The following RNF168 variants were observed in gnomAD, a reference collection of about 807,000 sequenced individuals.
RNF168 encodes E3 ubiquitin-protein ligase RNF168.
Under a neutral mutation model 34.9 loss-of-function variants are expected in RNF168, and 34 were observed. The observed-to-expected ratio is 0.97, with a 90% CI of 0.74 to 1.30. The LOEUF (loss-of-function observed/expected upper bound fraction) is 1.30, where lower values mean the gene tolerates loss of function less well. RNF168 is among the 50% of genes most tolerant of loss of function. RNF168 has a pLI of 0.00. For synonymous variants in RNF168, 264 were observed against 254.7 expected, an observed-to-expected ratio of 1.04 and a Z score of -0.35; for missense variants, 725 against 682.5, an observed-to-expected ratio of 1.06 and a Z score of -0.69.
At position 196,502,938 on chromosome 3, in the gene RNF168, ATCG is replaced by A; in HGVS notation, c.233_235del (p.Thr78del). On this transcript the variant is annotated inframe_deletion, in exon 1 of 6. Transcript: ENST00000318037. ...CTCCCTGGGATAGTGTTTTTGAATT[ATCG>A]TCCACAGTTCCACGTTGACGAGAGA... The A allele has an allele frequency of 6.2e-7, 1 of 1,614,018 alleles. No individual in the cohort carries two copies. The highest frequency in any genetic ancestry group is 8.5e-7 in the Non-Finnish European group (1 of 1,179,912).
At chr3:196,476,869 T>A (rs1458790266) in intron 4 of RNF168, among the ~76,000 whole-genome samples, 1 of 152,034 alleles carries the variant, frequency 6.6e-6, no homozygotes, top group Non-Finnish European at 1.5e-5. Flanking sequence ...TGCCTCAGCC[T>A]CCTGAGTAGC....
rs917507488 is a variant in RNF168, at chr3:196,503,198, A to G, written c.-25T>C. ...TTTCAATATGTTAGTAAAGCCGACTAAACAACGACACCTGCACGAAAAAGA... is the reference window on the plus strand; with the variant it reads ...TTTCAATATGTTAGTAAAGCCGACTGAACAACGACACCTGCACGAAAAAGA... On this transcript the variant is annotated 5_prime_UTR_variant, in exon 1 of 6. Coordinates refer to ENST00000318037, the MANE Select transcript of RNF168 (RefSeq NM_152617.4). 1 of 1,605,074 alleles carries G rather than the reference A, an allele frequency of 6.2e-7. No individual in the cohort carries two copies. The highest frequency in any genetic ancestry group is 8.5e-7 in the Non-Finnish European group (1 of 1,171,854).
intron 1 of RNF168, among the ~76,000 whole-genome samples, chr3:196,496,120 T>A (rs1577522078): frequency 1.3e-5 from 2 of 152,198 alleles, no homozygotes; most frequent in Admixed American, 6.5e-5. Flanking sequence ...GAAAATTTTT[T>A]AAAATTTACT....
intron 2 of RNF168, among the ~76,000 whole-genome samples, 200 bp downstream of exon 2, chr3:196,488,407 G>T (rs1043176226): frequency 6.6e-6 from 1 of 151,832 alleles, no homozygotes; most frequent in Admixed American, 6.6e-5. Flanking sequence ...GCATGAACCC[G>T]GGAGGTGGAG....
rs548931463 is a variant in RNF168, at chr3:196,502,288, T to C, written c.301+585A>G. Among the ~76,000 whole-genome samples, 44 of 151,894 alleles carry C rather than the reference T, an allele frequency of 2.9e-4. No homozygotes were observed. The South Asian group carries it at 8.3e-3, about 29-fold the overall frequency. On this transcript the variant is annotated intron_variant, in intron 1 of 5. Transcript: ENST00000318037. ...CAAGAATTAAATGAATGGAGATGTA[T>C]AGATAAGTAAATCAGAGGCCGGGCG... is the stretch of plus-strand genomic sequence containing the variant.
In RNF168 at chr3:196,503,191, G is replaced by A; in HGVS notation, c.-18C>T. 6.2e-7 allele frequency: 1 copy of A among 1,611,892 alleles called. No individual in the cohort carries two copies. The highest frequency in any genetic ancestry group is 8.5e-7 in the Non-Finnish European group (1 of 1,178,052). On this transcript the variant is annotated 5_prime_UTR_variant, in exon 1 of 6. Coordinates refer to ENST00000318037, the MANE Select transcript of RNF168 (RefSeq NM_152617.4). The stretch of plus-strand genomic sequence containing the variant: ...AGAGCCATTTCAATATGTTAGTAAA[G>A]CCGACTAAACAACGACACCTGCACG...
rs1170750043 is a variant in RNF168, at chr3:196,503,664, A to C, written c.-491T>G. On this transcript the variant is annotated 5_prime_UTR_variant, in exon 1 of 6. Transcript: ENST00000318037. ...GGGGAGACGCGCGACTCCCGTGTTC[A>C]CCTTTCGGGCGCCTGGCGCAGTTTC... The C allele has an allele frequency of 1.5e-5, 3 of 198,672 alleles. No homozygotes were observed. The highest frequency in any genetic ancestry group is 3.2e-5 in the Non-Finnish European group (3 of 94,736). The allele number at this position is 198,672 out of a possible 1,614,324, so 12.3% of individuals were successfully genotyped here. A position where few individuals can be genotyped will look rare whatever the true frequency, so the allele number is the denominator to read the frequency against.
At chr3:196,496,621 T>C (rs913930307) in intron 1 of RNF168, among the ~76,000 whole-genome samples, 1 of 152,244 alleles carries the variant, frequency 6.6e-6, no homozygotes, top group Non-Finnish European at 1.5e-5. Flanking sequence ...TGTTTGGATG[T>C]CAATTCTCCC....
intron 3 of RNF168, among the ~76,000 whole-genome samples, chr3:196,486,713 T>C (rs985620114): frequency 6.6e-6 from 1 of 151,714 alleles, no homozygotes; most frequent in African/African-American, 2.4e-5. Context: ...GGAACGGGAG[T>C]GGAGAGGTGG....
chr3:196,489,398 C>T (rs1732538078), intron 1 of RNF168, among the ~76,000 whole-genome samples: 1 of 151,790 alleles, frequency 6.6e-6, no homozygotes, highest in Admixed American at 6.6e-5. Context: ...GCAATCTCAG[C>T]TCACTGCAAC....
In RNF168 at chr3:196,472,246, A is replaced by C; in HGVS notation, c.1289T>G (p.Ile430Arg). ...CTCAAACAGTAGATGCTCCAAATCTATCAGTTTTTGGGTAAAGTTTATTTC... is the reference window on the plus strand; with the variant it reads ...CTCAAACAGTAGATGCTCCAAATCTCTCAGTTTTTGGGTAAAGTTTATTTC... ...ETEINFTQKL[I>R]DLEHLLFERH... is the part of the protein sequence containing the mutation. The change falls in exon 6 of 6, where the codon ATA becomes AGA. Residue 430 changes from isoleucine to arginine, a missense_variant. Coordinates refer to ENST00000318037, the MANE Select transcript of RNF168 (RefSeq NM_152617.4). 6.2e-7 allele frequency: 1 copy of C among 1,613,938 alleles called. No individual in the cohort carries two copies. The highest frequency in any genetic ancestry group is 8.5e-7 in the Non-Finnish European group (1 of 1,179,874).
At chr3:196,475,552 C>CTTT (rs771089639) in intron 4 of RNF168, among the ~76,000 whole-genome samples, 3,763 of 133,392 alleles carry the variant, frequency 0.028, 168 homozygotes, top group African/African-American at 0.077. Context: ...AATATTTTTT[C>CTTT]TTTTTTTTTT....
intron 4 of RNF168, among the ~76,000 whole-genome samples, chr3:196,478,476 C>G (rs754842194): frequency 2.6e-5 from 4 of 152,306 alleles, no homozygotes; most frequent in Admixed American, 6.5e-5. Context: ...TGTTAATCTT[C>G]TTCCGACATG....
At chr3:196,474,915 G>A (rs1323903230) in intron 5 of RNF168, 6 of 337,494 alleles carry the variant, frequency 1.8e-5, no homozygotes, top group South Asian at 8.6e-5. Context: ...AAGCTGATGT[G>A]TTTACATATT....
chr3:196,471,712 G>T lies in RNF168; in HGVS notation c.*107C>A. Reference sequence around the variant, plus strand: ...CACAGACCTTCATTAAGGACAATGAGTGTGCCTAGAGAGCAGCATGAATGA... The same window carrying T: ...CACAGACCTTCATTAAGGACAATGATTGTGCCTAGAGAGCAGCATGAATGA... On this transcript the variant is annotated 3_prime_UTR_variant, in exon 6 of 6. Coordinates refer to ENST00000318037, the MANE Select transcript of RNF168 (RefSeq NM_152617.4). The T allele has an allele frequency of 2.5e-6, 2 of 792,424 alleles. No individual in the cohort carries two copies. Among genetic ancestry groups the T allele is most frequent in the Non-Finnish European group, 4.4e-6 (2 of 450,322 alleles). The allele number at this position is 792,424 out of a possible 1,614,324, so 49.1% of individuals were successfully genotyped here.
intron 4 of RNF168, among the ~76,000 whole-genome samples, chr3:196,480,675 G>C (rs1359373219): frequency 6.6e-5 from 10 of 152,070 alleles, no homozygotes; most frequent in Admixed American, 4.6e-4. Context: ...ACATGGTCTT[G>C]TCTGTTGCCC....
At chr3:196,480,294 GAAAGCCCA>G (rs1732255884) in intron 4 of RNF168, among the ~76,000 whole-genome samples, 2 of 152,270 alleles carry the variant, frequency 1.3e-5, no homozygotes, top group Non-Finnish European at 2.9e-5. Flanking sequence ...GTATTACCAT[GAAAGCCCA>G]TATGCTTATT....
chr3:196,480,383 A>T (rs1684643992), intron 4 of RNF168, among the ~76,000 whole-genome samples: 2 of 152,142 alleles, frequency 1.3e-5, no homozygotes, highest in Admixed American at 1.3e-4. Flanking sequence ...CCCACCTCAT[A>T]CTATCCTGAG....
intron 3 of RNF168, among the ~76,000 whole-genome samples, chr3:196,485,376 C>T (rs754174638): frequency 8.6e-5 from 13 of 151,964 alleles, no homozygotes; most frequent in Non-Finnish European, 1.6e-4. Flanking sequence ...GATGTGGTGG[C>T]GGCACCTGTA....
Sources: allele counts gnomAD v4.1 joint callset (sites outside exome capture counted in the v4.1 genomes callset), GRCh38; gene constraint gnomAD v4.1.1; transcripts MANE v1.5; gene names NCBI Gene and HGNC (gene_info 2026-07-23, HGNC 2026-07-21).